The following PKP4 variants were observed in gnomAD, a reference collection of about 807,000 sequenced individuals.
The protein encoded by PKP4 is plakophilin-4.
In PKP4, 90 loss-of-function variants were observed where a neutral mutation model predicts 145.1. The ratio of observed to expected loss-of-function variants is 0.62; its 90% confidence interval spans 0.52 to 0.74. The LOEUF (loss-of-function observed/expected upper bound fraction) is 0.74. PKP4 is among the 30% of genes least tolerant of loss of function. The pLI is 0.00. For synonymous variants in PKP4, 563 were observed against 577.2 expected (o/e 0.98, Z 0.35); for missense variants, 1,340 against 1,482.7 (o/e 0.90, Z 1.58).
intron 3 of PKP4, among the ~76,000 whole-genome samples, chr2:158,583,063 A>G (rs1187125021): frequency 6.6e-6 from 1 of 152,220 alleles, no homozygotes; most frequent in African/African-American, 2.4e-5. Flanking sequence ...TGTACAGCTC[A>G]TCTCAGGAAA....
chr2:158,637,313 G>C (rs938564459), intron 9 of PKP4, among the ~76,000 whole-genome samples: 15 of 152,166 alleles, frequency 9.9e-5, no homozygotes, highest in Non-Finnish European at 1.8e-4. Context: ...TCTGCACTCT[G>C]ACTAGGCTGG....
chr2:158,491,712 C>A (rs1181504210), intron 1 of PKP4, among the ~76,000 whole-genome samples: 1 of 152,182 alleles, frequency 6.6e-6, no homozygotes, highest in South Asian at 2.1e-4. Context: ...CTTCACCCCC[C>A]ACCCCAGCCA....
rs1412225937 is a variant in PKP4, at chr2:158,556,522, TC to T, written c.133-20748del. Among the ~76,000 whole-genome samples, 17 of 43,160 alleles carry T rather than the reference TC, an allele frequency of 3.9e-4. No homozygotes were observed. In the Admixed American group the frequency reaches 5.4e-3, roughly 14 times the overall value. 28.3% of individuals were successfully genotyped at this position (43,160 alleles called of 152,430 possible). A position where few individuals can be genotyped will look rare whatever the true frequency, so the allele number is the denominator to read the frequency against. On this transcript the variant is annotated intron_variant, in intron 2 of 21. Coordinates refer to ENST00000389759, the MANE Select transcript of PKP4 (RefSeq NM_003628.6). ...AAATGAAGCATTGTGGCTCTTTCTCTCTTTTTTTTTTTTTTTAACTTGTACT... is the reference window on the plus strand; with the variant it reads ...AAATGAAGCATTGTGGCTCTTTCTCTTTTTTTTTTTTTTTTAACTTGTACT...
chr2:158,572,299 A>G (rs1014958800), intron 2 of PKP4, among the ~76,000 whole-genome samples: 2 of 152,252 alleles, frequency 1.3e-5, no homozygotes, highest in Non-Finnish European at 2.9e-5. Flanking sequence ...TGAAAGCGCT[A>G]TACTGTAGAT....
intron 1 of PKP4, among the ~76,000 whole-genome samples, chr2:158,521,739 A>G (rs1165685933): frequency 6.6e-6 from 1 of 152,176 alleles, no homozygotes; most frequent in Non-Finnish European, 1.5e-5. Flanking sequence ...CAAATTCTTA[A>G]TTTCCTAGTA....
chr2:158,533,663 G>A (rs2043782353), intron 2 of PKP4: 1 of 360,972 alleles, frequency 2.8e-6, no homozygotes, highest in Non-Finnish European at 5.4e-6. Context: ...GGCAACCTGA[G>A]GCCTGTAATA....
chr2:158,553,246 T>G (rs371262746), intron 2 of PKP4, among the ~76,000 whole-genome samples: 1 of 152,086 alleles, frequency 6.6e-6, no homozygotes, highest in South Asian at 2.1e-4. Flanking sequence ...CAAAAAATGG[T>G]AAAATTAGGA....
intron 1 of PKP4, among the ~76,000 whole-genome samples, chr2:158,483,063 CTA>C (rs1693607288): frequency 6.6e-6 from 1 of 152,134 alleles, no homozygotes; most frequent in Non-Finnish European, 1.5e-5. Context: ...TGGTTCATCT[CTA>C]AGTCATGAGC....
chr2:158,495,703 G>A (rs1159637337), intron 1 of PKP4, among the ~76,000 whole-genome samples: 1 of 151,598 alleles, frequency 6.6e-6, no homozygotes, highest in East Asian at 2.0e-4. Context: ...GCGTGGTAGT[G>A]GGTGCCTGTA....
chr2:158,578,672 A>G lies in PKP4; in HGVS notation c.245+1289A>G, dbSNP rs543264136. ...TGGTTTTGTTTTTCTAACCAGAATT[A>G]TATTTTAATAGAAAAGTAATTCAAC... On this transcript the variant is annotated intron_variant, in intron 3 of 21. Transcript: ENST00000389759. Among the ~76,000 whole-genome samples the G allele has an allele frequency of 4.6e-5, 7 of 152,324 alleles. No homozygotes were observed. In the East Asian group the frequency reaches 1.4e-3, roughly 29 times the overall value.
chr2:158,605,188 G>A (rs927814713), intron 4 of PKP4, among the ~76,000 whole-genome samples: 14 of 152,162 alleles, frequency 9.2e-5, no homozygotes, highest in Non-Finnish European at 1.8e-4. Context: ...ATACATGAAC[G>A]AATAGTAAAT....
At chr2:158,636,495 A>C (rs1414466246) in intron 9 of PKP4, among the ~76,000 whole-genome samples, 3 of 151,930 alleles carry the variant, frequency 2.0e-5, no homozygotes, top group African/African-American at 7.2e-5. Flanking sequence ...CCTAAGTATA[A>C]TTTTCTTTGC....
At chr2:158,633,135 G>A (rs1258343943) in intron 8 of PKP4, among the ~76,000 whole-genome samples, 1 of 152,198 alleles carries the variant, frequency 6.6e-6, no homozygotes, top group Non-Finnish European at 1.5e-5. Flanking sequence ...GAAATAAAAT[G>A]TATAATAGTC....
chr2:158,471,215 A>G (rs1163656167), intron 1 of PKP4, among the ~76,000 whole-genome samples: 1 of 152,210 alleles, frequency 6.6e-6, no homozygotes, highest in Non-Finnish European at 1.5e-5. Context: ...GAGTGAGGAA[A>G]GCCAAAGAAT....
intron 1 of PKP4, among the ~76,000 whole-genome samples, chr2:158,508,802 C>T (rs2041240716): frequency 6.6e-6 from 1 of 152,144 alleles, no homozygotes; most frequent in South Asian, 2.1e-4. Flanking sequence ...GTAGGCTGGA[C>T]ATCAAAATTT....
At chr2:158,636,939 A>G (rs2053857819) in intron 9 of PKP4, among the ~76,000 whole-genome samples, 1 of 152,272 alleles carries the variant, frequency 6.6e-6, no homozygotes, top group South Asian at 2.1e-4. Flanking sequence ...ACCATTTAAA[A>G]TATTTCCTCT....
chr2:158,620,879 C>T, intron 4 of PKP4, 111 bp from the exon 5 acceptor site: 1 of 836,616 alleles, frequency 1.2e-6, no homozygotes, highest in Non-Finnish European at 1.9e-6. Flanking sequence ...AAATAATAGC[C>T]TTGTATTAGC....
Position 158,533,280 on chromosome 2 carries a change from C to T in PKP4, c.96C>T (p.Thr32=). ...CTGGCCCAGGCATGGAACCCGAGAC[C>T]ACAGCCACCACTATTCTAGCATCCG... is the stretch of plus-strand genomic sequence containing the variant. The part of the protein sequence containing the change: ...ASTGPGMEPE[T]TATTILASVK... Residue 32 remains threonine, a synonymous_variant, in exon 2 of 22, where the codon ACC becomes ACT. Transcript: ENST00000389759. 6.2e-7 allele frequency: 1 copy of T among 1,614,160 alleles called. No homozygotes were observed. The highest frequency in any genetic ancestry group is 1.1e-5 in the South Asian group (1 of 91,088).
In PKP4 at chr2:158,652,744, G is replaced by A. The variant is rs551943057; in HGVS notation, c.1910-5387G>A. On this transcript the variant is annotated intron_variant, in intron 11 of 21. Coordinates refer to ENST00000389759, the MANE Select transcript of PKP4 (RefSeq NM_003628.6). ...GCCAGGAGCTGGGGCAGGAGGTGGG[G>A]AGGATTACATAAGGAGCAGTGTTCC... Among the ~76,000 whole-genome samples the A allele has an allele frequency of 4.6e-5, 7 of 152,326 alleles. No homozygotes were observed. In the East Asian group the frequency reaches 9.6e-4, roughly 21 times the overall value.
Sources: allele counts gnomAD v4.1 joint callset (sites outside exome capture counted in the v4.1 genomes callset), GRCh38; gene constraint gnomAD v4.1.1; transcripts MANE v1.5; gene names NCBI Gene and HGNC (gene_info 2026-07-23, HGNC 2026-07-21).